METAP1D: variants seen among roughly 807,000 people sequenced by gnomAD.
METAP1D encodes the protein methionine aminopeptidase 1D, mitochondrial.
In METAP1D, 31 loss-of-function variants were observed where a neutral mutation model predicts 40.5. The observed-to-expected ratio is 0.77, with a 90% CI of 0.58 to 1.03. METAP1D has a LOEUF of 1.03. Ranked by LOEUF, METAP1D falls within the 50% of genes least tolerant of loss-of-function variation. METAP1D has a pLI of 0.00. For missense variants in METAP1D, 411 were observed against 420.7 expected, an observed-to-expected ratio of 0.98 and a Z score of 0.20; for synonymous variants, 151 against 146.4, an observed-to-expected ratio of 1.03 and a Z score of -0.22.
rs368326232 is a variant in METAP1D, at chr2:172,051,427, T to TA, written c.41-10069dup. ...TGTGCTGGTGGTGTACATTAGTGAA[T>TA]AATCACATATTAACAGATTTAGCTT... is the stretch of plus-strand genomic sequence containing the variant. On this transcript the variant is annotated intron_variant, in intron 1 of 9. Coordinates refer to ENST00000315796, the MANE Select transcript of METAP1D (RefSeq NM_199227.3). 5.2e-4 allele frequency among the ~76,000 whole-genome samples: 79 copies of TA among 152,346 alleles called. 2 individuals carry two copies. The highest frequency in any genetic ancestry group is 1.8e-3 in the African/African-American group (76 of 41,582).
chr2:172,015,372 A>G (rs1158045001), intron 1 of METAP1D, among the ~76,000 whole-genome samples: 1 of 152,190 alleles, frequency 6.6e-6, no homozygotes, highest in Non-Finnish European at 1.5e-5. Flanking sequence ...GGATTGCACC[A>G]CTGCACTCGA....
chr2:172,036,296 G>T (rs1188049560), intron 1 of METAP1D, among the ~76,000 whole-genome samples: 1 of 141,776 alleles, frequency 7.1e-6, no homozygotes, highest in Non-Finnish European at 1.5e-5. Context: ...CAGCCTGGGC[G>T]ACAGAGCGAG....
intron 1 of METAP1D, among the ~76,000 whole-genome samples, chr2:172,042,929 A>G (rs1055552101): frequency 3.9e-5 from 5 of 128,250 alleles, no homozygotes; most frequent in African/African-American, 1.3e-4. Flanking sequence ...ATATGCGTAC[A>G]TGTGTATACA....
intron 1 of METAP1D, among the ~76,000 whole-genome samples, chr2:172,028,158 A>AG (rs946864214): frequency 1.3e-4 from 19 of 142,342 alleles, no homozygotes; most frequent in Non-Finnish European, 2.8e-4. Flanking sequence ...GCCAGTAACT[A>AG]GGGGGGACCA....
rs571735409 is a variant in METAP1D, at chr2:172,033,058, C to CTAAA, written c.41-28415_41-28412dup. 2.8e-3 allele frequency among the ~76,000 whole-genome samples: 421 copies of CTAAA among 151,288 alleles called. 1 individual carries two copies. The highest frequency in any genetic ancestry group is 6.6e-3 in the East Asian group (34 of 5,148). On this transcript the variant is annotated intron_variant, in intron 1 of 9. Coordinates refer to ENST00000315796, the MANE Select transcript of METAP1D (RefSeq NM_199227.3). ...TGGGCGACAGAGCAAGACTCCATCT[C>CTAAA]TAAATAAATAAATAAATAAATAAAT...
In METAP1D at chr2:172,080,579, T is replaced by C; in HGVS notation, c.*173T>C. The C allele has an allele frequency of 1.5e-6, 1 of 671,022 alleles. No individual in the cohort carries two copies. Among genetic ancestry groups the C allele is most frequent in the Non-Finnish European group, 2.5e-6 (1 of 392,404 alleles). 41.6% of individuals were successfully genotyped at this position (671,022 alleles called of 1,614,324 possible). ...ACTGAAGAGCAACTGGGAACTCGGA[T>C]CTGAAGCCCTGCTGGGGTCGCGCGG... is the stretch of plus-strand genomic sequence containing the variant. On this transcript the variant is annotated 3_prime_UTR_variant, in exon 10 of 10. Transcript: ENST00000315796.
chr2:172,057,788 C>G (rs1262637971), intron 1 of METAP1D, among the ~76,000 whole-genome samples: 1 of 152,150 alleles, frequency 6.6e-6, no homozygotes, highest in Non-Finnish European at 1.5e-5. Context: ...GGAGTAATAA[C>G]AGTTCACAAT....
chr2:172,079,516 T>G (rs1690646745), intron 8 of METAP1D, among the ~76,000 whole-genome samples: 1 of 152,190 alleles, frequency 6.6e-6, no homozygotes, highest in African/African-American at 2.4e-5. Flanking sequence ...GTTGGGTTTT[T>G]TGTTTTGTTT....
rs894817529 is a variant in METAP1D at position 172,017,677 on chromosome 2, G to C, written c.40+17668G>C. On this transcript the variant is annotated intron_variant, in intron 1 of 9. Transcript: ENST00000315796. ...GTGTTGTCTTGCCCAGAATTTAATA[G>C]AGAAAAAAAAATGGACTTGCAGAAA... is the stretch of plus-strand genomic sequence containing the variant. Among the ~76,000 whole-genome samples the C allele has an allele frequency of 2.6e-5, 4 of 151,694 alleles. No individual in the cohort carries two copies. In the South Asian group the frequency reaches 6.2e-4, roughly 24 times the overall value.
At chr2:172,018,041 C>T (rs183915015) in intron 1 of METAP1D, among the ~76,000 whole-genome samples, 21 of 147,006 alleles carry the variant, frequency 1.4e-4, no homozygotes, top group Non-Finnish European at 2.5e-4. Context: ...GCAGGAGAAT[C>T]GCTTGAACCT....
intron 1 of METAP1D, among the ~76,000 whole-genome samples, chr2:172,033,058 C>A (rs1689275796): frequency 6.6e-6 from 1 of 151,176 alleles, no homozygotes; most frequent in South Asian, 2.1e-4. Context: ...GACTCCATCT[C>A]TAAATAAATA....
intron 1 of METAP1D, among the ~76,000 whole-genome samples, chr2:172,053,861 T>C (rs1436860270): frequency 6.6e-6 from 1 of 152,222 alleles, no homozygotes; most frequent in African/African-American, 2.4e-5. Context: ...GTGAAAGTGC[T>C]TCCCTGGAAA....
chr2:172,000,009 G>A lies in METAP1D; in HGVS notation c.40G>A (p.Gly14Ser). 7.5e-7 allele frequency: 1 copy of A among 1,335,748 alleles called. No homozygotes were observed. Among genetic ancestry groups the A allele is most frequent in the South Asian group, 1.9e-5 (1 of 51,692 alleles). 82.7% of individuals were successfully genotyped at this position (1,335,748 alleles called of 1,614,324 possible). Reference protein sequence around the residue: ...PSGVHLLVRRGSHRIFSSPLN... With the variant: ...PSGVHLLVRRSSHRIFSSPLN... ...TGGCGTCCACCTGCTCGTCCGCAGAGGTAAGCGCGTGGAGGAGAGCCCCGT... is the reference window on the plus strand; with the variant it reads ...TGGCGTCCACCTGCTCGTCCGCAGAAGTAAGCGCGTGGAGGAGAGCCCCGT... The change falls in exon 1 of 10, where the codon GGT becomes AGT. Residue 14 changes from glycine to serine, a missense_variant and splice_region_variant. Coordinates refer to ENST00000315796, the MANE Select transcript of METAP1D (RefSeq NM_199227.3).
rs1158927232 is a variant in METAP1D at position 172,009,074 on chromosome 2, C to T, written c.40+9065C>T. Among the ~76,000 whole-genome samples, 13 of 151,638 alleles carry T rather than the reference C, an allele frequency of 8.6e-5. 1 individual carries two copies. Among genetic ancestry groups the T allele is most frequent in the East Asian group, 1.9e-4 (1 of 5,158 alleles). On this transcript the variant is annotated intron_variant, in intron 1 of 9. Coordinates refer to ENST00000315796, the MANE Select transcript of METAP1D (RefSeq NM_199227.3). ...TTTTTTTTTTGAGACAGAGTCTCGC[C>T]GTGTCTCTCAGGCTGGAGTGCAGTG...
intron 1 of METAP1D, among the ~76,000 whole-genome samples, chr2:172,038,381 ACTAT>A (rs1689442204): frequency 6.6e-6 from 1 of 152,012 alleles, no homozygotes; most frequent in African/African-American, 2.4e-5. Flanking sequence ...TGTAGAGCTA[ACTAT>A]CCATAGCTTA....
intron 8 of METAP1D, 77 bp downstream of exon 8, chr2:172,079,339 C>T (rs979412913): frequency 1.5e-5 from 20 of 1,327,886 alleles, no homozygotes; most frequent in African/African-American, 4.3e-5. Context: ...CCCGGCAGTC[C>T]GGTGAAGGAC....
chr2:172,079,666 G>C (rs572802767), intron 8 of METAP1D, among the ~76,000 whole-genome samples: 1 of 152,308 alleles, frequency 6.6e-6, no homozygotes, highest in African/African-American at 2.4e-5. Flanking sequence ...ACCTAGGGCC[G>C]TAAAGACATC....
chr2:172,065,084 A>G (rs1379410598), intron 3 of METAP1D, among the ~76,000 whole-genome samples: 1 of 152,246 alleles, frequency 6.6e-6, no homozygotes, highest in Non-Finnish European at 1.5e-5. Context: ...TCTACAAACT[A>G]TATTAGACTC....
intron 1 of METAP1D, among the ~76,000 whole-genome samples, chr2:172,002,843 T>G (rs1449717210): frequency 6.6e-6 from 1 of 152,194 alleles, no homozygotes; most frequent in African/African-American, 2.4e-5. Context: ...GCATCATTTC[T>G]TCTTGAAATA....
Sources: gnomAD v4.1 joint callset for allele counts (sites outside exome capture counted in the v4.1 genomes callset) on GRCh38, gnomAD v4.1.1 for gene constraint, MANE v1.5 for transcripts, NCBI Gene and HGNC (gene_info 2026-07-23, HGNC 2026-07-21) for gene names.